The following SH3RF1 variants were observed in gnomAD, a reference collection of about 807,000 sequenced individuals.
The protein encoded by SH3RF1 is SH3 domain containing ring finger 1.
Under a neutral mutation model 74.0 loss-of-function variants are expected in SH3RF1, and 32 were observed. That is an observed-to-expected ratio of 0.43 (90% CI 0.33 to 0.58). The LOEUF is 0.58. SH3RF1 is among the 20% of genes least tolerant of loss of function. The probability of loss-of-function intolerance (pLI) is 0.05; values close to 1 mark genes in which losing one functional copy is unlikely to be tolerated. For missense variants in SH3RF1, 954 were observed against 1,130.9 expected (o/e 0.84, Z 2.24); for synonymous variants, 396 against 439.6 (o/e 0.90, Z 1.24).
chr4:169,185,394 C>G (rs1317269336), intron 2 of SH3RF1, among the ~76,000 whole-genome samples: 1 of 152,188 alleles, frequency 6.6e-6, no homozygotes, highest in Admixed American at 6.5e-5. Context: ...TGCAAGTGAG[C>G]TGCAGTCTGA....
intron 2 of SH3RF1, among the ~76,000 whole-genome samples, chr4:169,229,104 C>T (rs2127006140): frequency 6.6e-6 from 1 of 152,168 alleles, no homozygotes; most frequent in South Asian, 2.1e-4. Flanking sequence ...TATAATCATA[C>T]TTAAGAGTTT....
chr4:169,247,618 G>A (rs1234774440), intron 2 of SH3RF1, among the ~76,000 whole-genome samples: 1 of 152,110 alleles, frequency 6.6e-6, no homozygotes, highest in African/African-American at 2.4e-5. Flanking sequence ...CAACTATATG[G>A]GCCAGAGAGA....
intron 2 of SH3RF1, among the ~76,000 whole-genome samples, chr4:169,230,168 C>G (rs1218081646): frequency 6.6e-6 from 1 of 152,138 alleles, no homozygotes; most frequent in Non-Finnish European, 1.5e-5. Flanking sequence ...CACGCTGCTC[C>G]AGCCTGGGCC....
At chr4:169,235,367 T>C (rs370865215) in intron 2 of SH3RF1, among the ~76,000 whole-genome samples, 1 of 152,196 alleles carries the variant, frequency 6.6e-6, no homozygotes, top group East Asian at 1.9e-4. Flanking sequence ...TAATACTCAT[T>C]CAACATTTAC....
At chr4:169,264,020 C>G (rs1188923354) in intron 2 of SH3RF1, among the ~76,000 whole-genome samples, 1 of 152,188 alleles carries the variant, frequency 6.6e-6, no homozygotes, top group Non-Finnish European at 1.5e-5. Flanking sequence ...TCTGGGGAAA[C>G]CAGGACTGAA....
chr4:169,177,793 T>A (rs1734445167), intron 2 of SH3RF1, among the ~76,000 whole-genome samples: 1 of 152,144 alleles, frequency 6.6e-6, no homozygotes, highest in Admixed American at 6.6e-5. Flanking sequence ...AGATCTTATA[T>A]GTAGGTAACA....
chr4:169,241,179 G>A (rs1250818441), intron 2 of SH3RF1, among the ~76,000 whole-genome samples: 3 of 152,162 alleles, frequency 2.0e-5, no homozygotes, highest in Non-Finnish European at 2.9e-5. Context: ...GCAGTGAGCC[G>A]AGATCGCGCC....
chr4:169,189,467 T>C (rs192042735), intron 2 of SH3RF1, among the ~76,000 whole-genome samples: 28 of 152,332 alleles, frequency 1.8e-4, no homozygotes, highest in African/African-American at 6.7e-4. Context: ...ACAAGATCCA[T>C]GCCAGGGCAG....
In SH3RF1 at chr4:169,192,808, GAT is replaced by G. The variant is rs201767383; in HGVS notation, c.394-36131_394-36130del. Among the ~76,000 whole-genome samples the G allele has an allele frequency of 2.8e-3, 407 of 145,946 alleles. 16 individuals are homozygous for G. In the East Asian group the frequency reaches 0.066, roughly 24 times the overall value. On this transcript the variant is annotated intron_variant, in intron 2 of 11. Coordinates refer to ENST00000284637, the MANE Select transcript of SH3RF1 (RefSeq NM_020870.4). Reference sequence around the variant, plus strand: ...ATATATGTTTCTTTTATATATATATGATATATATGTGATATATATATCATATA... The same window carrying G: ...ATATATGTTTCTTTTATATATATATGATATATGTGATATATATATCATATA...
In SH3RF1 at chr4:169,120,998, G is replaced by C; in HGVS notation, c.1347-9C>G. On this transcript the variant is annotated splice_polypyrimidine_tract_variant and intron_variant, in intron 7 of 11. Coordinates refer to ENST00000284637, the MANE Select transcript of SH3RF1 (RefSeq NM_020870.4). ...GATATATAGCAACATACCTAGAATA[G>C]AAAATAATATTTGATTTCAGGTTGA... The C allele has an allele frequency of 1.2e-6, 2 of 1,607,306 alleles. No homozygotes were observed. The highest frequency in any genetic ancestry group is 8.5e-7 in the Non-Finnish European group (1 of 1,174,230).
chr4:169,139,244 T>C (rs945960289), intron 4 of SH3RF1, among the ~76,000 whole-genome samples: 1 of 152,236 alleles, frequency 6.6e-6, no homozygotes, highest in African/African-American at 2.4e-5. Flanking sequence ...GCCTGGACTC[T>C]GAGCACCAAT....
intron 2 of SH3RF1, among the ~76,000 whole-genome samples, chr4:169,191,019 G>A (rs1734695749): frequency 6.6e-6 from 1 of 152,038 alleles, no homozygotes; most frequent in Non-Finnish European, 1.5e-5. Flanking sequence ...ACAAAATCCA[G>A]CATCCCTTTA....
At chr4:169,148,052 T>G (rs1733921845) in intron 4 of SH3RF1, among the ~76,000 whole-genome samples, 1 of 152,236 alleles carries the variant, frequency 6.6e-6, no homozygotes, top group African/African-American at 2.4e-5. Context: ...TTTAAAATTG[T>G]TGAGTAGTGA....
At chr4:169,268,708 T>G in intron 2 of SH3RF1, 112 bp downstream of exon 2, 4 of 1,174,078 alleles carry the variant, frequency 3.4e-6, no homozygotes, top group Middle Eastern at 3.0e-4. Context: ...TGTTCCAGTA[T>G]GTATGGTTTC....
intron 2 of SH3RF1, among the ~76,000 whole-genome samples, chr4:169,229,662 A>C (rs1045818397): frequency 1.3e-5 from 2 of 152,208 alleles, no homozygotes; most frequent in African/African-American, 4.8e-5. Context: ...GTGAGAAGTG[A>C]ATACTAATGT....
intron 4 of SH3RF1, among the ~76,000 whole-genome samples, chr4:169,153,917 G>A (rs1734011782): frequency 6.6e-6 from 1 of 152,182 alleles, no homozygotes; most frequent in Non-Finnish European, 1.5e-5. Context: ...GATTTGCCAT[G>A]GGTGGATCTT....
At chr4:169,208,004 A>C (rs550943285) in intron 2 of SH3RF1, among the ~76,000 whole-genome samples, 5 of 152,122 alleles carry the variant, frequency 3.3e-5, no homozygotes, top group Non-Finnish European at 5.9e-5. Flanking sequence ...ACCAAAACAA[A>C]ATTGAATGAG....
chr4:169,245,088 A>T (rs1730974000), intron 2 of SH3RF1, among the ~76,000 whole-genome samples: 1 of 152,212 alleles, frequency 6.6e-6, no homozygotes, highest in Non-Finnish European at 1.5e-5. Context: ...ATCATGCTAC[A>T]TTATAAACCA....
chr4:169,096,479 T>C lies in SH3RF1; in HGVS notation c.*40A>G. On this transcript the variant is annotated 3_prime_UTR_variant, in exon 12 of 12. Transcript: ENST00000284637. The stretch of plus-strand genomic sequence containing the variant: ...TGTTAAACTGCTTTGTGCTACTTTG[T>C]TGTGTGAAGTGATTTTAAGCTTCTT... 1.3e-6 allele frequency: 2 copies of C among 1,598,270 alleles called. No homozygotes were observed. Among genetic ancestry groups the C allele is most frequent in the Non-Finnish European group, 1.7e-6 (2 of 1,172,372 alleles).
Sources: allele counts gnomAD v4.1 joint callset (sites outside exome capture counted in the v4.1 genomes callset), GRCh38; gene constraint gnomAD v4.1.1; transcripts MANE v1.5; gene names NCBI Gene and HGNC (gene_info 2026-07-23, HGNC 2026-07-21).